SMAD6: variants seen among roughly 807,000 people sequenced by gnomAD.
The protein encoded by SMAD6 is MAD homolog 6.
In SMAD6, 103 loss-of-function variants were observed where a neutral mutation model predicts 39.4. That is an observed-to-expected ratio of 2.62 (90% confidence interval 2.23 to 3.08). SMAD6 has a LOEUF of 3.08. SMAD6 is among the 30% of genes most tolerant of loss of function. The pLI, the probability that SMAD6 is intolerant of heterozygous loss-of-function variation, is 0.00. For synonymous variants in SMAD6, 445 were observed against 353.3 expected (o/e 1.26, Z -2.91); for missense variants, 1,104 against 742.9 (o/e 1.49, Z -5.65).
At chr15:66,735,681 G>A (rs996270435) in intron 3 of SMAD6, among the ~76,000 whole-genome samples, 1 of 152,170 alleles carries the variant, frequency 6.6e-6, no homozygotes, top group Non-Finnish European at 1.5e-5. Context: ...TGATCCCTGG[G>A]GACGTGGAGA....
At chr15:66,772,494 A>T (rs980005088) in intron 3 of SMAD6, among the ~76,000 whole-genome samples, 2 of 152,214 alleles carry the variant, frequency 1.3e-5, no homozygotes, top group Non-Finnish European at 2.9e-5. Context: ...ACTGAATATG[A>T]ATACCCTTAT....
chr15:66,741,821 C>G (rs765872100), intron 3 of SMAD6, among the ~76,000 whole-genome samples: 2 of 152,206 alleles, frequency 1.3e-5, no homozygotes, highest in Admixed American at 6.5e-5. Context: ...CAATTGCTGC[C>G]GGTCCCTCCG....
intron 3 of SMAD6, among the ~76,000 whole-genome samples, chr15:66,761,849 C>G (rs1436771499): frequency 6.6e-6 from 1 of 152,202 alleles, no homozygotes; most frequent in Admixed American, 6.5e-5. Context: ...GCACCCTGTA[C>G]TTTTCAGAGC....
At chr15:66,718,644 G>A (rs1389860860) in intron 3 of SMAD6, among the ~76,000 whole-genome samples, 3 of 152,180 alleles carry the variant, frequency 2.0e-5, no homozygotes, top group Non-Finnish European at 4.4e-5. Flanking sequence ...GATGCCATGC[G>A]TGGAATGTTC....
At chr15:66,714,547 G>A (rs778562071) in intron 2 of SMAD6, among the ~76,000 whole-genome samples, 2 of 152,164 alleles carry the variant, frequency 1.3e-5, no homozygotes, top group Non-Finnish European at 2.9e-5. Context: ...TGCAGCAGAG[G>A]CCGTATAGTT....
intron 3 of SMAD6, among the ~76,000 whole-genome samples, chr15:66,773,917 G>A (rs1411648166): frequency 2.6e-5 from 4 of 152,188 alleles, no homozygotes; most frequent in East Asian, 1.9e-4. Context: ...GGCTGAGCAG[G>A]CCCTTTTGGT....
intron 3 of SMAD6, among the ~76,000 whole-genome samples, chr15:66,743,949 C>CTT (rs58635725): frequency 6.8e-6 from 1 of 147,570 alleles, no homozygotes; most frequent in African/African-American, 2.5e-5. Flanking sequence ...GTTGCAGTGA[C>CTT]TTTTTTTTTT....
chr15:66,757,611 A>G (rs1567109478), intron 3 of SMAD6, among the ~76,000 whole-genome samples: 3 of 152,050 alleles, frequency 2.0e-5, no homozygotes, highest in African/African-American at 7.2e-5. Context: ...CTTGTCCCAC[A>G]GTCTCTTGGA....
intron 3 of SMAD6, among the ~76,000 whole-genome samples, chr15:66,754,231 G>A (rs1376289678): frequency 6.6e-6 from 1 of 152,188 alleles, no homozygotes; most frequent in Non-Finnish European, 1.5e-5. Context: ...TCAAATTAAA[G>A]CCAGGGGTCA....
chr15:66,717,828 T>C (rs1893359776), intron 3 of SMAD6, among the ~76,000 whole-genome samples: 1 of 152,206 alleles, frequency 6.6e-6, no homozygotes, highest in Non-Finnish European at 1.5e-5. Context: ...TTCTGGTCTT[T>C]GGTGGCTCCC....
chr15:66,778,179 C>T (rs1002064640), intron 3 of SMAD6, among the ~76,000 whole-genome samples: 1 of 151,504 alleles, frequency 6.6e-6, no homozygotes, highest in Non-Finnish European at 1.5e-5. Context: ...AACTTGGGCT[C>T]AAGCAATCCT....
At chr15:66,736,606 C>G (rs902875206) in intron 3 of SMAD6, among the ~76,000 whole-genome samples, 15 of 152,104 alleles carry the variant, frequency 9.9e-5, no homozygotes, top group African/African-American at 3.4e-4. Flanking sequence ...GATGCCTGGG[C>G]TCCACCCCAG....
Position 66,744,502 on chromosome 15 carries a change from C to T in SMAD6, c.952+28004C>T, listed in dbSNP as rs80206622. On this transcript the variant is annotated intron_variant, in intron 3 of 3. Coordinates refer to ENST00000288840, the MANE Select transcript of SMAD6 (RefSeq NM_005585.5). ...CCACCACTTCCACTCCATCCACCTCCGTCTCTGGCACCTGCTCAGGGCCAC... is the reference window on the plus strand; with the variant it reads ...CCACCACTTCCACTCCATCCACCTCTGTCTCTGGCACCTGCTCAGGGCCAC... Among the ~76,000 whole-genome samples the T allele has an allele frequency of 3.2e-3, 492 of 152,348 alleles. 3 individuals carry two copies. The highest frequency in any genetic ancestry group is 0.011 in the African/African-American group (443 of 41,578).
At chr15:66,718,513 A>T (rs1221633950) in intron 3 of SMAD6, among the ~76,000 whole-genome samples, 1 of 152,166 alleles carries the variant, frequency 6.6e-6, no homozygotes, top group Admixed American at 6.5e-5. Flanking sequence ...TGGGGAGGAA[A>T]TTGGGGATTT....
chr15:66,711,775 C>A, intron 2 of SMAD6, 51 bp downstream of exon 2: 1 of 1,408,782 alleles, frequency 7.1e-7, no homozygotes, highest in South Asian at 1.1e-5. Flanking sequence ...CGAACTGGGT[C>A]CTCTTCAGCC....
intron 3 of SMAD6, among the ~76,000 whole-genome samples, chr15:66,727,516 C>A (rs1230507719): frequency 6.6e-6 from 1 of 152,154 alleles, no homozygotes; most frequent in Non-Finnish European, 1.5e-5. Context: ...GAAAGGGCAT[C>A]CCAGCTTAGG....
At chr15:66,766,409 G>A (rs1188137300) in intron 3 of SMAD6, among the ~76,000 whole-genome samples, 1 of 152,228 alleles carries the variant, frequency 6.6e-6, no homozygotes, top group African/African-American at 2.4e-5. Flanking sequence ...ATTGGGGCTT[G>A]TCAGCTGTGT....
At chr15:66,743,485 G>A (rs75759767) in intron 3 of SMAD6, among the ~76,000 whole-genome samples, 2,431 of 152,098 alleles carry the variant, frequency 0.016, 59 homozygotes, top group African/African-American at 0.051. Context: ...ATATAGAAAA[G>A]AGGCTCTCAG....
intron 3 of SMAD6, among the ~76,000 whole-genome samples, chr15:66,759,798 A>G (rs1894167222): frequency 6.6e-6 from 1 of 152,220 alleles, no homozygotes; most frequent in Non-Finnish European, 1.5e-5. Context: ...ACTTGTCGGC[A>G]CCAGGTTGGA....
Sources: allele counts gnomAD v4.1 joint callset (sites outside exome capture counted in the v4.1 genomes callset), GRCh38; gene constraint gnomAD v4.1.1; transcripts MANE v1.5; gene names NCBI Gene and HGNC (gene_info 2026-07-23, HGNC 2026-07-21).